The following PSD3 variants were observed in gnomAD, a reference collection of about 807,000 sequenced individuals.
PSD3 encodes pleckstrin and Sec7 domain containing 3, also known as PH and SEC7 domain-containing protein 3.
Under a neutral mutation model 105.5 loss-of-function variants are expected in PSD3, and 49 were observed. The ratio of observed to expected loss-of-function variants is 0.46; its 90% confidence interval spans 0.37 to 0.59. PSD3 has a LOEUF of 0.59. Ranked by LOEUF, PSD3 falls within the 20% of genes least tolerant of loss-of-function variation. The pLI, the probability that PSD3 is intolerant of heterozygous loss-of-function variation, is 0.00. For synonymous variants in PSD3, 557 were observed against 457.8 expected (o/e 1.22, Z -2.77); for missense variants, 1,561 against 1,263.8 (o/e 1.24, Z -3.57).
intron 8 of PSD3, among the ~76,000 whole-genome samples, chr8:18,793,170 C>T (rs571980606): frequency 1.3e-5 from 2 of 151,876 alleles, no homozygotes; most frequent in African/African-American, 2.4e-5. Context: ...CACCCCCTGT[C>T]GTGGGGTGGG....
intron 9 of PSD3, among the ~76,000 whole-genome samples, chr8:18,702,416 G>A (rs1801635315): frequency 6.6e-6 from 1 of 152,044 alleles, no homozygotes; most frequent in Admixed American, 6.5e-5. Flanking sequence ...ACCTTAATTG[G>A]TACTGTTTTC....
chr8:18,714,214 C>A (rs1802433407), intron 9 of PSD3, among the ~76,000 whole-genome samples: 1 of 152,066 alleles, frequency 6.6e-6, no homozygotes. Context: ...AGGACATACG[C>A]ATGGGCAAAG....
At chr8:18,960,850 C>T (rs1823867845) in intron 1 of PSD3, among the ~76,000 whole-genome samples, 1 of 151,954 alleles carries the variant, frequency 6.6e-6, no homozygotes, top group Non-Finnish European at 1.5e-5. Context: ...CTTTAAGAGG[C>T]CAAGGGGGCA....
rs543787206 is a variant in PSD3 at position 18,998,332 on chromosome 8, C to T, written c.21+15231G>A. ...CTCTTAACTGAGAGATGCCCTGAAA[C>T]ACTCCAAGGGTGCTAGGCTTTCTCA... On this transcript the variant is annotated intron_variant, in intron 1 of 15. Coordinates refer to ENST00000327040, the MANE Select transcript of PSD3 (RefSeq NM_015310.4). Among the ~76,000 whole-genome samples, 15 of 152,086 alleles carry T rather than the reference C, an allele frequency of 9.9e-5. 1 individual carries two copies. Among genetic ancestry groups the T allele is most frequent in the Middle Eastern group, 3.4e-3 (1 of 292 alleles).
chr8:18,671,052 C>A (rs535071777), intron 9 of PSD3, among the ~76,000 whole-genome samples: 3 of 152,090 alleles, frequency 2.0e-5, no homozygotes, highest in African/African-American at 7.2e-5. Flanking sequence ...TTAACCACAG[C>A]GAGGGTTTCA....
chr8:18,870,041 C>T (rs1817220485), intron 3 of PSD3, among the ~76,000 whole-genome samples: 1 of 152,122 alleles, frequency 6.6e-6, no homozygotes, highest in African/African-American at 2.4e-5. Flanking sequence ...CACTGGGCCA[C>T]ATGCCACATA....
chr8:18,754,029 TC>T lies in PSD3; in HGVS notation c.2172+11419del, dbSNP rs938738101. 2.1e-3 allele frequency among the ~76,000 whole-genome samples: 321 copies of T among 152,300 alleles called. 5 individuals carry two copies. Among genetic ancestry groups the T allele is most frequent in the Non-Finnish European group, 4.9e-4 (33 of 68,020 alleles). Reference sequence around the variant, plus strand: ...GCCCCTCTATCTGAGGAACATCACTTCCTTGAACTCCATTCTTCTAATTCAT... The same window carrying T: ...GCCCCTCTATCTGAGGAACATCACTTCTTGAACTCCATTCTTCTAATTCAT... On this transcript the variant is annotated intron_variant, in intron 9 of 15. Transcript: ENST00000327040.
At chr8:18,904,196 G>A (rs1819690512) in intron 2 of PSD3, among the ~76,000 whole-genome samples, 1 of 152,090 alleles carries the variant, frequency 6.6e-6, no homozygotes, top group African/African-American at 2.4e-5. Flanking sequence ...AGAGAAGGAG[G>A]TGCTAGGCTC....
At chr8:18,836,399 A>G (rs1814110069) in intron 4 of PSD3, among the ~76,000 whole-genome samples, 1 of 152,244 alleles carries the variant, frequency 6.6e-6, no homozygotes, top group Non-Finnish European at 1.5e-5. Flanking sequence ...AAAGGACATT[A>G]ACTTATGTGG....
At chr8:18,737,438 C>T (rs1417838935) in intron 9 of PSD3, among the ~76,000 whole-genome samples, 1 of 152,120 alleles carries the variant, frequency 6.6e-6, no homozygotes, top group Non-Finnish European at 1.5e-5. Flanking sequence ...GATCCTCCCA[C>T]CTCAGCCTCC....
chr8:18,848,926 T>C (rs1192674345), intron 4 of PSD3, among the ~76,000 whole-genome samples: 1 of 152,226 alleles, frequency 6.6e-6, no homozygotes, highest in Non-Finnish European at 1.5e-5. Flanking sequence ...TGCTCAGCTA[T>C]GCAATTTCCA....
intron 9 of PSD3, among the ~76,000 whole-genome samples, chr8:18,666,987 A>G (rs1483680065): frequency 6.6e-6 from 1 of 152,014 alleles, no homozygotes; most frequent in African/African-American, 2.4e-5. Context: ...CGGTGGGTTC[A>G]TGGTCTTGCT....
chr8:18,694,345 G>A (rs1185057439), intron 9 of PSD3, among the ~76,000 whole-genome samples: 7 of 152,182 alleles, frequency 4.6e-5, no homozygotes, highest in Admixed American at 1.3e-4. Flanking sequence ...GCGCGGTGGC[G>A]CACGTCTGTA....
intron 4 of PSD3, among the ~76,000 whole-genome samples, chr8:18,841,117 C>T (rs776178924): frequency 5.9e-5 from 9 of 152,194 alleles, no homozygotes; most frequent in Non-Finnish European, 1.2e-4. Context: ...AAGTTTACAA[C>T]CCAAACCACC....
At chr8:18,950,673 A>T (rs1417291929) in intron 1 of PSD3, among the ~76,000 whole-genome samples, 2 of 152,162 alleles carry the variant, frequency 1.3e-5, no homozygotes, top group African/African-American at 2.4e-5. Context: ...ACTTCATAAC[A>T]TCACTTTGTA....
intron 12 of PSD3, among the ~76,000 whole-genome samples, chr8:18,589,056 CTG>C (rs1247826524): frequency 6.6e-6 from 1 of 152,120 alleles, no homozygotes; most frequent in African/African-American, 2.4e-5. Context: ...GGGGAAATGG[CTG>C]TGATATGTGA....
At chr8:18,681,342 C>T (rs1800375658) in intron 9 of PSD3, among the ~76,000 whole-genome samples, 3 of 150,962 alleles carry the variant, frequency 2.0e-5, no homozygotes, top group South Asian at 2.1e-4. Flanking sequence ...TGCAGTAGCT[C>T]GTGCCTATCA....
At chr8:18,911,474 T>C (rs1268733708) in intron 2 of PSD3, among the ~76,000 whole-genome samples, 1 of 152,102 alleles carries the variant, frequency 6.6e-6, no homozygotes, top group Non-Finnish European at 1.5e-5. Flanking sequence ...CTGTGTAACC[T>C]GAGCTTAGTT....
chr8:18,970,324 C>CAAAAAAAAAAAAAAAAA (rs11450922), intron 1 of PSD3, among the ~76,000 whole-genome samples: 19 of 45,288 alleles, frequency 4.2e-4, no homozygotes, highest in Non-Finnish European at 6.2e-4. Flanking sequence ...GACTCTGCCT[C>CAAAAAAAAAAAAAAAAA]AAAAAAAAAA....
Sources: allele counts gnomAD v4.1 joint callset (sites outside exome capture counted in the v4.1 genomes callset), GRCh38; gene constraint gnomAD v4.1.1; transcripts MANE v1.5; gene names NCBI Gene and HGNC (gene_info 2026-07-23, HGNC 2026-07-21).